Variants in ZMIZ1 observed in about 807,000 individuals in gnomAD.
The protein encoded by ZMIZ1 is zinc finger MIZ-type containing 1, also known as zinc finger MIZ domain-containing protein 1.
In ZMIZ1, 17 loss-of-function variants were observed where a neutral mutation model predicts 113.9. The ratio of observed to expected loss-of-function variants is 0.15; its 90% confidence interval spans 0.10 to 0.22. ZMIZ1 has a LOEUF of 0.22. Among genes scored for constraint, ZMIZ1 ranks in the 10% least tolerant of loss-of-function variants. The pLI is 1.00. For synonymous variants in ZMIZ1, 607 were observed against 603.1 expected, an observed-to-expected ratio of 1.01 and a Z score of -0.09; for missense variants, 1,059 against 1,477.8, an observed-to-expected ratio of 0.72 and a Z score of 4.65.
intron 4 of ZMIZ1, among the ~76,000 whole-genome samples, chr10:79,174,566 G>A (rs1354759878): frequency 6.6e-6 from 1 of 152,146 alleles, no homozygotes. Context: ...CAGGAGAGTG[G>A]CTCTGCTCCC....
intron 15 of ZMIZ1, 55 bp downstream of exon 15, chr10:79,298,635 G>A (rs1189300246): frequency 4.6e-5 from 69 of 1,495,112 alleles, no homozygotes; most frequent in Non-Finnish European, 5.9e-5. Flanking sequence ...CCAGTGGGCC[G>A]GGAGCAGGGG....
chr10:79,149,004 A>AAGTC (rs1845606322), intron 3 of ZMIZ1, among the ~76,000 whole-genome samples: 1 of 152,172 alleles, frequency 6.6e-6, no homozygotes, highest in South Asian at 2.1e-4. Flanking sequence ...GGTGTGGCTA[A>AAGTC]AGTCAGTTCC....
At position 79,311,029 on chromosome 10, in the gene ZMIZ1, G is replaced by GCTC. The variant is rs759108983; in HGVS notation, c.2956_2958dup (p.Pro986dup). On this transcript the variant is annotated inframe_insertion, in exon 24 of 25. Transcript: ENST00000334512. ...AGGGCCTCCATTACATCACAGTGGG[G>GCTC]CTCCTCCTCCTCCTCCTTCCCAGCC... The GCTC allele has an allele frequency of 1.4e-5, 23 of 1,613,454 alleles. 1 individual carries two copies. In the Admixed American group the frequency reaches 1.7e-4, roughly 12 times the overall value.
chr10:79,133,386 C>CTCCG (rs1411455596), intron 2 of ZMIZ1, among the ~76,000 whole-genome samples: 1 of 152,222 alleles, frequency 6.6e-6, no homozygotes, highest in African/African-American at 2.4e-5. Flanking sequence ...GATCTGGTTT[C>CTCCG]TCCGGAGTTC....
chr10:79,130,568 C>CT (rs1378285250), intron 2 of ZMIZ1, among the ~76,000 whole-genome samples: 2 of 152,220 alleles, frequency 1.3e-5, no homozygotes, highest in Non-Finnish European at 2.9e-5. Context: ...CAGGAGTTAT[C>CT]TGTCTCCCCA....
chr10:79,116,552 G>A (rs1426763655), intron 1 of ZMIZ1, among the ~76,000 whole-genome samples: 1 of 152,138 alleles, frequency 6.6e-6, no homozygotes, highest in Non-Finnish European at 1.5e-5. Context: ...GCAGCCTGTG[G>A]GGGTGCACAG....
intron 3 of ZMIZ1, among the ~76,000 whole-genome samples, chr10:79,148,027 A>G (rs1845564254): frequency 6.6e-6 from 1 of 152,170 alleles, no homozygotes; most frequent in African/African-American, 2.4e-5. Flanking sequence ...AGATGACACC[A>G]TCTCTGGGGG....
At position 79,241,477 on chromosome 10, in the gene ZMIZ1, A is replaced by T. The variant is rs144468957; in HGVS notation, c.280+25203A>T. Among the ~76,000 whole-genome samples the T allele has an allele frequency of 2.3e-3, 346 of 152,290 alleles. 4 individuals are homozygous for T. The highest frequency in any genetic ancestry group is 0.017 in the Middle Eastern group (5 of 294). On this transcript the variant is annotated intron_variant, in intron 7 of 24. Coordinates refer to ENST00000334512, the MANE Select transcript of ZMIZ1 (RefSeq NM_020338.4). Reference sequence around the variant, plus strand: ...CTGGAATTTGTGCAAAGCTGAAGGGAAGTCCTTCCCCTGGCTGCCCTGGGG... The same window carrying T: ...CTGGAATTTGTGCAAAGCTGAAGGGTAGTCCTTCCCCTGGCTGCCCTGGGG...
At chr10:79,227,529 G>A (rs762996887) in intron 7 of ZMIZ1, among the ~76,000 whole-genome samples, 4 of 152,190 alleles carry the variant, frequency 2.6e-5, no homozygotes, top group Admixed American at 6.5e-5. Context: ...TGGTTCTCTC[G>A]TTTGACAAAA....
intron 7 of ZMIZ1, among the ~76,000 whole-genome samples, chr10:79,223,625 C>G (rs1356920995): frequency 6.6e-6 from 1 of 152,264 alleles, no homozygotes; most frequent in Non-Finnish European, 1.5e-5. Context: ...GTGGGAAAGG[C>G]AACTGGCGCT....
chr10:79,303,537 G>A (rs1025466610), intron 18 of ZMIZ1, among the ~76,000 whole-genome samples: 17 of 62,162 alleles, frequency 2.7e-4, no homozygotes, highest in African/African-American at 4.6e-4. Context: ...GTGTGGACTC[G>A]GGCCCTGTGC....
intron 7 of ZMIZ1, among the ~76,000 whole-genome samples, chr10:79,274,478 C>T (rs1340228128): frequency 1.3e-5 from 2 of 152,248 alleles, no homozygotes; most frequent in Non-Finnish European, 2.9e-5. Flanking sequence ...GTCAGCCCTC[C>T]TGGTTCTCTC....
At chr10:79,240,319 T>A (rs1849766567) in intron 7 of ZMIZ1, among the ~76,000 whole-genome samples, 1 of 152,214 alleles carries the variant, frequency 6.6e-6, no homozygotes, top group Non-Finnish European at 1.5e-5. Flanking sequence ...TTGCTGTAGA[T>A]CCTTATCAAG....
chr10:79,300,397 A>G (rs1428977678), intron 16 of ZMIZ1, among the ~76,000 whole-genome samples: 2 of 152,122 alleles, frequency 1.3e-5, no homozygotes, highest in Non-Finnish European at 2.9e-5. Flanking sequence ...GGTCTTGTCA[A>G]ATGAGTGCCT....
At chr10:79,098,835 G>A (rs11002816) in intron 1 of ZMIZ1, among the ~76,000 whole-genome samples, 20,466 of 152,198 alleles carry the variant, frequency 0.13, 1,723 homozygotes, top group East Asian at 0.26. Flanking sequence ...TGAGGTCACC[G>A]TCATTAGCAA....
chr10:79,261,186 C>T (rs537972173), intron 7 of ZMIZ1, among the ~76,000 whole-genome samples: 7 of 152,322 alleles, frequency 4.6e-5, no homozygotes, highest in South Asian at 4.1e-4. Context: ...GCCGGGTGGT[C>T]GGGTTTTTGA....
chr10:79,288,535 T>C (rs74142360), intron 8 of ZMIZ1, among the ~76,000 whole-genome samples: 2 of 151,626 alleles, frequency 1.3e-5, no homozygotes, highest in East Asian at 1.9e-4. Context: ...CACACACACA[T>C]ACACACACAC....
At position 79,300,937 on chromosome 10, in the gene ZMIZ1, T is replaced by G. The variant is rs1393749807; in HGVS notation, c.2014T>G (p.Cys672Gly). 1 of 1,609,516 alleles carries G rather than the reference T, an allele frequency of 6.2e-7. No homozygotes were observed. The highest frequency in any genetic ancestry group is 2.2e-5 in the East Asian group (1 of 44,874). The change falls in exon 17 of 25, where the codon TGC (cysteine) becomes GGC (glycine). Residue 672 changes from cysteine to glycine, a missense_variant. Physicochemically the swap from Cys to Gly is radical, Grantham distance 159. Transcript: ENST00000334512. Reference protein sequence around the residue: ...NTIQITVTACCCSHLFVLQLV... With the variant: ...NTIQITVTACGCSHLFVLQLV... ...CATCCAGATCACCGTCACGGCCTGC[T>G]GCTGCGTGAGTGTGGTGGGCCAGGG...
intron 12 of ZMIZ1, 68 bp downstream of exon 12, chr10:79,293,721 G>C (rs1418156394): frequency 1.7e-5 from 28 of 1,609,896 alleles, no homozygotes; most frequent in Non-Finnish European, 2.4e-5. Context: ...ATGGGCCGTG[G>C]GTACGGCTTT....
Sources: gnomAD v4.1 joint callset for allele counts (sites outside exome capture counted in the v4.1 genomes callset) on GRCh38, gnomAD v4.1.1 for gene constraint, MANE v1.5 for transcripts, NCBI Gene and HGNC (gene_info 2026-07-23, HGNC 2026-07-21) for gene names.